METTL25: variants seen among roughly 807,000 people sequenced by gnomAD.
METTL25 encodes probable methyltransferase-like protein 25.
METTL25 carries 64 observed loss-of-function variants against 71.6 expected under a neutral mutation model. The observed-to-expected ratio is 0.89, with a 90% CI of 0.73 to 1.10. The LOEUF (loss-of-function observed/expected upper bound fraction) is 1.10, where lower values mean the gene tolerates loss of function less well. METTL25 is among the 50% of genes least tolerant of loss of function. METTL25 has a pLI of 0.00. For missense variants in METTL25, 807 were observed against 707.0 expected (o/e 1.14, Z -1.60); for synonymous variants, 287 against 250.3 (o/e 1.15, Z -1.38).
intron 9 of METTL25, among the ~76,000 whole-genome samples, chr12:82,468,116 G>A (rs910209594): frequency 6.6e-6 from 1 of 152,048 alleles, no homozygotes; most frequent in Middle Eastern, 3.4e-3. Flanking sequence ...CTAACCTAGT[G>A]TGTCAACTAA....
chr12:82,437,805 C>T (rs568462060), intron 7 of METTL25, among the ~76,000 whole-genome samples: 15 of 151,470 alleles, frequency 9.9e-5, no homozygotes, highest in African/African-American at 3.4e-4. Flanking sequence ...AAAAGCATTC[C>T]GTATTGTTGT....
At chr12:82,360,601 C>T (rs550975888) in intron 1 of METTL25, among the ~76,000 whole-genome samples, 17 of 151,966 alleles carry the variant, frequency 1.1e-4, no homozygotes, top group African/African-American at 3.1e-4. Flanking sequence ...AGAAAAAAAC[C>T]GAGCCATGAA....
chr12:82,402,645 T>C (rs1330108826), intron 4 of METTL25, among the ~76,000 whole-genome samples: 2 of 152,222 alleles, frequency 1.3e-5, no homozygotes, highest in African/African-American at 2.4e-5. Context: ...CAGCTTTACA[T>C]ATTTTAATGG....
At chr12:82,388,917 A>G (rs1283005116) in intron 2 of METTL25, 2 of 152,096 alleles carry the variant, frequency 1.3e-5, no homozygotes, top group Non-Finnish European at 2.9e-5. Context: ...CTACAGGACC[A>G]TGAGTAACCA....
chr12:82,400,337 A>G (rs1173382913), intron 4 of METTL25, among the ~76,000 whole-genome samples: 2 of 122,966 alleles, frequency 1.6e-5, no homozygotes, highest in East Asian at 2.3e-4. Flanking sequence ...GTCCCCCCCA[A>G]CAAAAAAAAA....
At chr12:82,410,384 C>G (rs1227830671) in intron 5 of METTL25, among the ~76,000 whole-genome samples, 1 of 152,110 alleles carries the variant, frequency 6.6e-6, no homozygotes, top group Non-Finnish European at 1.5e-5. Context: ...TATTTTCTAT[C>G]TCATACAATA....
chr12:82,395,964 C>T (rs1886039448), intron 3 of METTL25, among the ~76,000 whole-genome samples: 1 of 152,080 alleles, frequency 6.6e-6, no homozygotes, highest in South Asian at 2.1e-4. Flanking sequence ...TCAAGATTTA[C>T]AGTTGTATGC....
intron 5 of METTL25, among the ~76,000 whole-genome samples, chr12:82,405,962 A>G (rs1356910485): frequency 1.3e-5 from 2 of 152,218 alleles, no homozygotes; most frequent in African/African-American, 2.4e-5. Context: ...ATAAGAGAGT[A>G]TGTTATTGCA....
intron 9 of METTL25, among the ~76,000 whole-genome samples, chr12:82,464,984 A>C (rs1892134031): frequency 6.6e-6 from 1 of 151,896 alleles, no homozygotes; most frequent in Admixed American, 6.6e-5. Context: ...TATGTTTATT[A>C]GTTCTAAGAC....
chr12:82,412,242 T>C (rs1474567861), intron 5 of METTL25, among the ~76,000 whole-genome samples: 1 of 152,158 alleles, frequency 6.6e-6, no homozygotes, highest in Admixed American at 6.6e-5. Flanking sequence ...CTTAATCTTA[T>C]AACACATGCA....
intron 3 of METTL25, among the ~76,000 whole-genome samples, chr12:82,393,929 G>T (rs1885843204): frequency 6.6e-6 from 1 of 151,766 alleles, no homozygotes. Context: ...GTGGGTTTTG[G>T]TATGTTGTGT....
chr12:82,461,255 T>TA (rs1491326063), intron 9 of METTL25, among the ~76,000 whole-genome samples: 2 of 152,232 alleles, frequency 1.3e-5, no homozygotes, highest in African/African-American at 4.8e-5. Flanking sequence ...ACAAAACTGT[T>TA]ATATATTTAT....
chr12:82,404,996 G>T (rs1886968355), intron 5 of METTL25, among the ~76,000 whole-genome samples: 1 of 151,826 alleles, frequency 6.6e-6, no homozygotes, highest in East Asian at 1.9e-4. Context: ...ACATTTTAAG[G>T]TCTTTAATTT....
chr12:82,417,500 ATATTTCTTGC>A (rs1232014502), intron 5 of METTL25, among the ~76,000 whole-genome samples: 3 of 152,218 alleles, frequency 2.0e-5, no homozygotes, highest in Admixed American at 6.5e-5. Context: ...CTCCCTTCAC[ATATTTCTTGC>A]TATGCACCTA....
intron 3 of METTL25, among the ~76,000 whole-genome samples, chr12:82,390,728 G>C (rs1009738149): frequency 2.6e-5 from 4 of 152,042 alleles, no homozygotes; most frequent in Non-Finnish European, 4.4e-5. Context: ...TATAGAGTAA[G>C]AGCTAAGGTA....
chr12:82,430,871 C>T (rs779853398), intron 5 of METTL25, 22 bp from the exon 6 acceptor site: 18 of 1,217,950 alleles, frequency 1.5e-5, no homozygotes, highest in East Asian at 9.7e-5. Flanking sequence ...TTAAATAATC[C>T]GTATTTTTCC....
intron 6 of METTL25, among the ~76,000 whole-genome samples, chr12:82,432,426 T>C (rs551418307): frequency 4.2e-4 from 64 of 151,432 alleles, no homozygotes; most frequent in Non-Finnish European, 7.5e-4. Context: ...GCCAGTGTTA[T>C]ACCCTTGACA....
intron 8 of METTL25, among the ~76,000 whole-genome samples, chr12:82,450,335 C>A (rs576277609): frequency 6.6e-6 from 1 of 152,260 alleles, no homozygotes; most frequent in Admixed American, 6.5e-5. Context: ...ATCCTTGACT[C>A]TTCTTTCTCA....
chr12:82,462,391 C>A (rs572990111), intron 9 of METTL25, among the ~76,000 whole-genome samples: 1 of 152,230 alleles, frequency 6.6e-6, no homozygotes, highest in South Asian at 2.1e-4. Flanking sequence ...CCTCTGGAAT[C>A]CTCTGTACTA....
Sources: allele counts gnomAD v4.1 joint callset (sites outside exome capture counted in the v4.1 genomes callset), GRCh38; gene constraint gnomAD v4.1.1; transcripts MANE v1.5; gene names NCBI Gene and HGNC (gene_info 2026-07-23, HGNC 2026-07-21).